Variants in BTD observed in about 807,000 individuals in gnomAD.
The protein encoded by BTD is biotinidase, also known as biocytinase.
In BTD, 13 loss-of-function variants were observed where a neutral mutation model predicts 17.7. That is an observed-to-expected ratio of 0.74 (90% CI 0.48 to 1.17). The LOEUF is 1.17. Among genes scored for constraint, BTD ranks in the 50% most tolerant of loss-of-function variants. The pLI, the probability that BTD is intolerant of heterozygous loss-of-function variation, is 0.00. For synonymous variants in BTD, 240 were observed against 245.2 expected (o/e 0.98, Z 0.20); for missense variants, 674 against 650.4 (o/e 1.04, Z -0.39).
downstream of BTD, among the ~76,000 whole-genome samples, chr3:15,654,046 T>A (rs1248549296): frequency 6.6e-6 from 1 of 152,206 alleles, no homozygotes; most frequent in Non-Finnish European, 1.5e-5. Context: ...TAGCGAGAGC[T>A]TATTATCACC....
chr3:15,654,130 G>C (rs2065845864), downstream of BTD, among the ~76,000 whole-genome samples: 1 of 152,210 alleles, frequency 6.6e-6, no homozygotes, highest in African/African-American at 2.4e-5. Context: ...TATTTGTGCA[G>C]ATTTTATTTT....
intron 3 of BTD, among the ~76,000 whole-genome samples, chr3:15,694,381 C>T (rs1476420618): frequency 6.6e-6 from 1 of 152,042 alleles, no homozygotes; most frequent in Non-Finnish European, 1.5e-5. Context: ...GTGTGTATAC[C>T]ATCTGCTTAG....
At position 15,646,430 on chromosome 3, in the gene BTD, T is replaced by C. The variant is rs1176792567; in HGVS notation, c.*942T>C. 6.6e-6 allele frequency: 1 copy of C among 152,246 alleles called. No individual in the cohort carries two copies. Among genetic ancestry groups the C allele is most frequent in the East Asian group, 1.9e-4 (1 of 5,200 alleles). The allele number at this position is 152,246 out of a possible 1,614,324, so 9.4% of individuals were successfully genotyped here. ...ATGCCTGGCACCCCATAGAGATAAG[T>C]TGCAGGGACTGCCGTGAAGGGCATG... is the stretch of plus-strand genomic sequence containing the variant. On this transcript the variant is annotated 3_prime_UTR_variant, in exon 4 of 4. Transcript: ENST00000643237.
downstream of BTD, among the ~76,000 whole-genome samples, chr3:15,657,229 CT>C (rs1272281407): frequency 4.6e-5 from 7 of 152,202 alleles, no homozygotes; most frequent in African/African-American, 1.7e-4. Context: ...AGTAAAGTTG[CT>C]ACAGCACCCT....
chr3:15,655,951 T>C (rs988221587), downstream of BTD, among the ~76,000 whole-genome samples: 1 of 152,076 alleles, frequency 6.6e-6, no homozygotes, highest in Non-Finnish European at 1.5e-5. Flanking sequence ...TACAGGCTCC[T>C]GCCACCATGT....
At chr3:15,720,887 A>G in intron 4 of BTD, 1 of 1,597,382 alleles carries the variant, frequency 6.3e-7, no homozygotes, top group Non-Finnish European at 8.6e-7. Context: ...CATATGAAAT[A>G]CTTATAGATT....
At position 15,704,170 on chromosome 3, in the gene BTD, C is replaced by CAT. The variant is rs1305732125; in HGVS notation, c.400-5885_400-5884dup. 2.0e-5 allele frequency among the ~76,000 whole-genome samples: 3 copies of CAT among 152,008 alleles called. No individual in the cohort carries two copies. In the East Asian group the frequency reaches 5.8e-4, roughly 29 times the overall value. ...TTAATATGTTCATTGCGATAGCAGC[C>CAT]ATATATTTGTTTGCTGGATTCTTAC... On this transcript the variant is annotated intron_variant, in intron 3 of 3. Coordinates refer to the BTD transcript ENST00000672141.
chr3:15,622,605 T>C (rs1485010912), intron 1 of BTD, among the ~76,000 whole-genome samples: 1 of 152,216 alleles, frequency 6.6e-6, no homozygotes, highest in African/African-American at 2.4e-5. Flanking sequence ...ATGTCCTTAC[T>C]GATTTTCTGC....
At chr3:15,670,364 C>T (rs747803982) in intron 3 of BTD, 1 of 1,613,974 alleles carries the variant, frequency 6.2e-7, no homozygotes, top group Admixed American at 1.7e-5. Flanking sequence ...GCAATAGGAG[C>T]TAGGTTCATT....
intron 3 of BTD, chr3:15,642,349 A>C: frequency 9.6e-7 from 1 of 1,038,624 alleles, no homozygotes; most frequent in Non-Finnish European, 1.3e-6. Flanking sequence ...TCTTCACCAC[A>C]GCCTGCACCT....
intron 3 of BTD, among the ~76,000 whole-genome samples, chr3:15,662,033 T>TA (rs1559289655): frequency 6.6e-6 from 1 of 152,224 alleles, no homozygotes; most frequent in Non-Finnish European, 1.5e-5. Context: ...AGTTTTATAG[T>TA]ATGGGTAGTG....
At chr3:15,630,777 T>G (rs1418555026) in intron 1 of BTD, among the ~76,000 whole-genome samples, 2 of 152,204 alleles carry the variant, frequency 1.3e-5, no homozygotes, top group Non-Finnish European at 2.9e-5. Flanking sequence ...GAGTTCAGGC[T>G]TAAATCATCA....
At chr3:15,689,864 A>G (rs992952643) in intron 3 of BTD, 1 of 653,330 alleles carries the variant, frequency 1.5e-6, no homozygotes, top group Admixed American at 3.0e-5. Flanking sequence ...TTGTGTGAAT[A>G]AAGTTATTTG....
At chr3:15,714,709 C>T, downstream of BTD, 1 of 1,284,724 alleles carries the variant, frequency 7.8e-7, no homozygotes, top group Non-Finnish European at 1.1e-6. Flanking sequence ...AATGTGTAAA[C>T]CTTAGTTTTA....
chr3:15,707,507 A>G (rs1352415887), intron 3 of BTD, among the ~76,000 whole-genome samples: 13 of 152,218 alleles, frequency 8.5e-5, no homozygotes, highest in Admixed American at 8.5e-4. Context: ...GCAAATCTGA[A>G]CTGTCTACCT....
At chr3:15,629,328 C>G (rs889341719) in intron 1 of BTD, among the ~76,000 whole-genome samples, 1 of 152,294 alleles carries the variant, frequency 6.6e-6, no homozygotes, top group East Asian at 1.9e-4. Context: ...TTCTCAGACC[C>G]TATTCCATAC....
intron 3 of BTD, among the ~76,000 whole-genome samples, chr3:15,695,000 G>C (rs2069330403): frequency 6.6e-6 from 1 of 152,072 alleles, no homozygotes; most frequent in African/African-American, 2.4e-5. Flanking sequence ...TAAGAGTTTG[G>C]GGGAAATGCT....
upstream of BTD, chr3:15,601,668 G>A (rs2279841): frequency 0.093 from 144,117 of 1,553,726 alleles, 8,890 homozygotes; most frequent in East Asian, 0.34. Context: ...AAACACGCGC[G>A]TTCTCCAATC....
chr3:15,684,654 T>C (rs7616648), intron 3 of BTD: 27,240 of 152,006 alleles, frequency 0.18, 3,703 homozygotes, highest in East Asian at 0.58. Flanking sequence ...GGGAGTCTGA[T>C]GTGGGAGGAT....
Sources: gnomAD v4.1 joint callset for allele counts (sites outside exome capture counted in the v4.1 genomes callset) on GRCh38, gnomAD v4.1.1 for gene constraint, MANE v1.5 for transcripts, NCBI Gene and HGNC (gene_info 2026-07-23, HGNC 2026-07-21) for gene names.